The following CEP85L variants were observed in gnomAD, a reference collection of about 807,000 sequenced individuals.
CEP85L encodes the protein centrosomal protein of 85 kDa-like.
CEP85L carries 60 observed loss-of-function variants against 100.3 expected under a neutral mutation model. The observed-to-expected ratio is 0.60, with a 90% CI of 0.49 to 0.74. The LOEUF (loss-of-function observed/expected upper bound fraction) is 0.74. Among genes scored for constraint, CEP85L ranks in the 30% least tolerant of loss-of-function variants. CEP85L has a pLI of 0.00. For synonymous variants in CEP85L, 319 were observed against 322.7 expected, an observed-to-expected ratio of 0.99 and a Z score of 0.12; for missense variants, 973 against 936.2, an observed-to-expected ratio of 1.04 and a Z score of -0.51.
At chr6:118,643,023 C>G (rs1016471369) in intron 1 of CEP85L, among the ~76,000 whole-genome samples, 1 of 152,202 alleles carries the variant, frequency 6.6e-6, no homozygotes, top group Non-Finnish European at 1.5e-5. Context: ...ACTAATGAGG[C>G]TGTTCATAAA....
chr6:118,558,906 C>G lies in CEP85L; in HGVS notation c.1020+6623G>C, dbSNP rs1779063075. 1.9e-6 allele frequency: 3 copies of G among 1,611,776 alleles called. No individual in the cohort carries two copies. In the South Asian group the frequency reaches 3.3e-5, roughly 18 times the overall value. Reference sequence around the variant, plus strand: ...TCGACCACTTAAAACTTCAGACTTCCTGTCCTGCTGGTATCATGGAGAAAG... The same window carrying G: ...TCGACCACTTAAAACTTCAGACTTCGTGTCCTGCTGGTATCATGGAGAAAG... On this transcript the variant is annotated intron_variant, in intron 3 of 12. Transcript: ENST00000368491.
intron 2 of CEP85L, among the ~76,000 whole-genome samples, chr6:118,567,468 G>T (rs1411883166): frequency 1.3e-5 from 2 of 151,600 alleles, no homozygotes; most frequent in South Asian, 2.1e-4. Flanking sequence ...TAAATGAAAG[G>T]CTGAAAGATA....
At chr6:118,506,175 ACACT>A (rs1243540233) in intron 5 of CEP85L, among the ~76,000 whole-genome samples, 2 of 152,240 alleles carry the variant, frequency 1.3e-5, no homozygotes, top group African/African-American at 4.8e-5. Flanking sequence ...AGGATTAAAA[ACACT>A]CAATTCAAAC....
intron 2 of CEP85L, among the ~76,000 whole-genome samples, chr6:118,568,073 T>C (rs1219378906): frequency 6.6e-6 from 1 of 152,196 alleles, no homozygotes; most frequent in Admixed American, 6.5e-5. Context: ...GTTTTGGAAG[T>C]AAGTCACATG....
chr6:118,651,138 C>T lies in CEP85L; in HGVS notation c.73+59G>A, dbSNP rs1322658196. ...CGGGAGGGGAGCGGCGGCGAGGTCC[C>T]GAGGCGCCGCGGTCGGCCGTGACCC... On this transcript the variant is annotated intron_variant, in intron 1 of 12. Coordinates refer to ENST00000368491, the MANE Select transcript of CEP85L (RefSeq NM_001042475.3). The T allele has an allele frequency of 1.1e-5, 16 of 1,453,806 alleles. No homozygotes were observed. The Admixed American group carries it at 4.2e-4, about 38-fold the overall frequency. The allele number at this position is 1,453,806 out of a possible 1,614,324, so 90.1% of individuals were successfully genotyped here.
At chr6:118,704,960 A>G (rs1777550071) in intron 1 of CEP85L, among the ~76,000 whole-genome samples, 1 of 151,674 alleles carries the variant, frequency 6.6e-6, no homozygotes, top group African/African-American at 2.4e-5. Context: ...ATTTCTGTTC[A>G]TGCTTTTTCC....
At chr6:118,515,244 C>T (rs1168405372) in intron 4 of CEP85L, among the ~76,000 whole-genome samples, 1 of 152,042 alleles carries the variant, frequency 6.6e-6, no homozygotes, top group Non-Finnish European at 1.5e-5. Flanking sequence ...AGCAAAAAAA[C>T]TGATAAAACA....
chr6:118,603,419 T>C (rs1771948931), intron 2 of CEP85L, among the ~76,000 whole-genome samples: 2 of 152,216 alleles, frequency 1.3e-5, no homozygotes, highest in South Asian at 4.1e-4. Context: ...ATTTACCCAA[T>C]TGTGTCCTGT....
chr6:118,479,309 T>C (rs1329891075), intron 10 of CEP85L, among the ~76,000 whole-genome samples: 1 of 152,128 alleles, frequency 6.6e-6, no homozygotes, highest in East Asian at 1.9e-4. Context: ...CTAAACATTT[T>C]TCAGCAAAAG....
Position 118,645,884 on chromosome 6 carries a change from T to C in CEP85L, c.73+5313A>G, listed in dbSNP as rs76714506. On this transcript the variant is annotated intron_variant, in intron 1 of 12. Transcript: ENST00000368491. The stretch of plus-strand genomic sequence containing the variant: ...AAGCACTATGCTAGGTAACCATTTT[T>C]TTTTTAATTAAAGAAAAACAGAAAT... Among the ~76,000 whole-genome samples the C allele has an allele frequency of 3.7e-3, 564 of 152,340 alleles. 3 individuals are homozygous for C. The highest frequency in any genetic ancestry group is 0.013 in the African/African-American group (538 of 41,568).
At chr6:118,577,314 G>C (rs927361564) in intron 2 of CEP85L, among the ~76,000 whole-genome samples, 1 of 152,134 alleles carries the variant, frequency 6.6e-6, no homozygotes, top group Non-Finnish European at 1.5e-5. Context: ...TAACTGGAGC[G>C]GCACTTGCGC....
intron 5 of CEP85L, among the ~76,000 whole-genome samples, chr6:118,506,031 AGTAAAT>A (rs1775635145): frequency 6.6e-6 from 1 of 152,200 alleles, no homozygotes; most frequent in Non-Finnish European, 1.5e-5. Flanking sequence ...TCAATTTTGT[AGTAAAT>A]GTAAAACTGC....
chr6:118,558,676 G>A, intron 3 of CEP85L: 1 of 524,222 alleles, frequency 1.9e-6, no homozygotes, highest in Non-Finnish European at 3.4e-6. Flanking sequence ...GAGAGAGAGA[G>A]AGAGAGAGAG....
At chr6:118,584,822 G>A (rs560717817) in intron 2 of CEP85L, among the ~76,000 whole-genome samples, 2 of 152,214 alleles carry the variant, frequency 1.3e-5, no homozygotes, top group East Asian at 3.8e-4. Flanking sequence ...CTGCACTTTT[G>A]GGGGAGCCTT....
At chr6:118,569,998 A>T (rs1562271324) in intron 2 of CEP85L, among the ~76,000 whole-genome samples, 4 of 152,168 alleles carry the variant, frequency 2.6e-5, no homozygotes, top group Non-Finnish European at 5.9e-5. Flanking sequence ...GAAAGAAGGG[A>T]GGCAATTTGT....
chr6:118,605,460 C>A (rs989000061), intron 2 of CEP85L, among the ~76,000 whole-genome samples: 2 of 152,180 alleles, frequency 1.3e-5, no homozygotes, highest in Admixed American at 6.5e-5. Context: ...ATATTTCCTA[C>A]CTAGTTATTA....
chr6:118,585,961 A>G (rs117389092), intron 2 of CEP85L, among the ~76,000 whole-genome samples: 225 of 152,274 alleles, frequency 1.5e-3, no homozygotes, highest in Non-Finnish European at 2.8e-3. Context: ...GTACAGAAAA[A>G]GCCTCTGAGG....
At chr6:118,683,824 T>G (rs1419686008) in intron 1 of CEP85L, among the ~76,000 whole-genome samples, 1 of 152,200 alleles carries the variant, frequency 6.6e-6, no homozygotes, top group Non-Finnish European at 1.5e-5. Context: ...AAGAGACATT[T>G]GTTGGGTCAT....
rs545115397 is a variant in CEP85L, at chr6:118,469,788, G to C, written c.2023-485C>G. 2.0e-4 allele frequency among the ~76,000 whole-genome samples: 31 copies of C among 152,216 alleles called. No homozygotes were observed. In the South Asian group the frequency reaches 5.4e-3, roughly 26 times the overall value. Reference sequence around the variant, plus strand: ...GGCTAATTTTTGCATTTTTTGTAGAGAGAGGGTTTTGTCACATTGCCTAAG... The same window carrying C: ...GGCTAATTTTTGCATTTTTTGTAGACAGAGGGTTTTGTCACATTGCCTAAG... On this transcript the variant is annotated intron_variant, in intron 11 of 12. Transcript: ENST00000368491.
Sources: gnomAD v4.1 joint callset for allele counts (sites outside exome capture counted in the v4.1 genomes callset) on GRCh38, gnomAD v4.1.1 for gene constraint, MANE v1.5 for transcripts, NCBI Gene and HGNC (gene_info 2026-07-23, HGNC 2026-07-21) for gene names.